Variants in WWOX observed in about 807,000 individuals in gnomAD.
WWOX encodes the protein WW domain containing oxidoreductase.
In WWOX, 69 loss-of-function variants were observed where a neutral mutation model predicts 46.2. The observed-to-expected ratio is 1.49, with a 90% CI of 1.23 to 1.82. The LOEUF (loss-of-function observed/expected upper bound fraction) is 1.82, where lower values mean the gene tolerates loss of function less well. Ranked by LOEUF, WWOX falls within the 40% of genes most tolerant of loss-of-function variation. WWOX has a pLI of 0.00. For missense variants in WWOX, 919 were observed against 542.6 expected, an observed-to-expected ratio of 1.69 and a Z score of -6.89; for synonymous variants, 359 against 202.6, an observed-to-expected ratio of 1.77 and a Z score of -6.56.
intron 6 of WWOX, among the ~76,000 whole-genome samples, chr16:78,423,439 G>C (rs1362661627): frequency 1.3e-5 from 2 of 152,134 alleles, no homozygotes; most frequent in Admixed American, 1.3e-4. Flanking sequence ...CACAAACACC[G>C]TGGATAGCCT....
intron 8 of WWOX, among the ~76,000 whole-genome samples, chr16:78,672,914 T>C (rs1283562542): frequency 6.6e-6 from 1 of 152,186 alleles, no homozygotes; most frequent in Admixed American, 6.6e-5. Flanking sequence ...TGCTGTGCCT[T>C]CCTCCTTCGT....
intron 8 of WWOX, among the ~76,000 whole-genome samples, chr16:78,485,812 C>T (rs2151454046): frequency 6.6e-6 from 1 of 152,302 alleles, no homozygotes; most frequent in South Asian, 2.1e-4. Context: ...AGCAAACCTA[C>T]TTTCCACCGC....
At chr16:78,352,623 G>A (rs9929326) in intron 5 of WWOX, among the ~76,000 whole-genome samples, 107,259 of 152,096 alleles carry the variant, frequency 0.71, 38,666 homozygotes, top group African/African-American at 0.76. Context: ...TAATCTGCCT[G>A]TTTGAAGGTC....
rs1433987564 is a variant in WWOX, at chr16:78,349,358, A to G, written c.517-37502A>G. 5.8e-5 allele frequency among the ~76,000 whole-genome samples: 7 copies of G among 121,250 alleles called. 2 individuals carry two copies. Among genetic ancestry groups the G allele is most frequent in the African/African-American group, 2.0e-4 (7 of 35,734 alleles). 79.5% of individuals were successfully genotyped at this position (121,250 alleles called of 152,430 possible). On this transcript the variant is annotated intron_variant, in intron 5 of 8. Coordinates refer to ENST00000566780, the MANE Select transcript of WWOX (RefSeq NM_016373.4). ...AGGTAGTACGGGTTAGGTCTTCAGC[A>G]TATGAATTTTGGGGAAACAGAATCC...
chr16:79,116,343 C>G (rs1289504626), intron 8 of WWOX, among the ~76,000 whole-genome samples: 1 of 152,204 alleles, frequency 6.6e-6, no homozygotes, highest in Non-Finnish European at 1.5e-5. Context: ...TTACTCACAG[C>G]AGAATTTATC....
chr16:78,964,676 C>A (rs113339362), intron 8 of WWOX, among the ~76,000 whole-genome samples: 1 of 152,124 alleles, frequency 6.6e-6, no homozygotes, highest in South Asian at 2.1e-4. Flanking sequence ...GGCAAGGAAC[C>A]TAATGTTAAT....
chr16:79,018,205 T>C (rs866213723), intron 8 of WWOX, among the ~76,000 whole-genome samples: 5 of 152,232 alleles, frequency 3.3e-5, no homozygotes, highest in African/African-American at 1.2e-4. Flanking sequence ...CCCTAGTTAT[T>C]TTGCCTTTAC....
intron 4 of WWOX, among the ~76,000 whole-genome samples, chr16:78,153,277 C>G (rs1333776828): frequency 6.6e-6 from 1 of 152,090 alleles, no homozygotes; most frequent in Non-Finnish European, 1.5e-5. Flanking sequence ...TCTGGAAATG[C>G]CTGTGGGGGA....
chr16:78,355,576 T>TC (rs1157930407), intron 5 of WWOX: 4 of 477,128 alleles, frequency 8.4e-6, no homozygotes, highest in Admixed American at 7.5e-5. Context: ...CTGTGGAGGA[T>TC]CCCCTGGATC....
At chr16:78,957,738 T>C (rs770869013) in intron 8 of WWOX, among the ~76,000 whole-genome samples, 21 of 152,242 alleles carry the variant, frequency 1.4e-4, no homozygotes, top group Admixed American at 5.9e-4. Context: ...AACTTTTCTT[T>C]GGCAAACACC....
chr16:78,833,769 C>T (rs577617956), intron 8 of WWOX, among the ~76,000 whole-genome samples: 2 of 152,220 alleles, frequency 1.3e-5, no homozygotes, highest in Admixed American at 6.5e-5. Flanking sequence ...GATGAGGAAA[C>T]TGAGGCATAA....
Position 78,292,063 on chromosome 16 carries a change from C to CT in WWOX, c.517-94779dup, listed in dbSNP as rs5818123. 6.0e-3 allele frequency among the ~76,000 whole-genome samples: 815 copies of CT among 136,934 alleles called. 4 individuals carry two copies. The highest frequency in any genetic ancestry group is 0.021 in the South Asian group (92 of 4,292). 89.8% of individuals were successfully genotyped at this position (136,934 alleles called of 152,430 possible). On this transcript the variant is annotated intron_variant, in intron 5 of 8. Coordinates refer to ENST00000566780, the MANE Select transcript of WWOX (RefSeq NM_016373.4). Reference sequence around the variant, plus strand: ...CTTATGAGATGAGGATGATTTTTACCTTTTTTTTTTTTTTTTTTCCCTTGA... The same window carrying CT: ...CTTATGAGATGAGGATGATTTTTACCTTTTTTTTTTTTTTTTTTTCCCTTGA...
At position 78,700,055 on chromosome 16, in the gene WWOX, A is replaced by T. The variant is rs138564817; in HGVS notation, c.1056+267303A>T. Among the ~76,000 whole-genome samples the T allele has an allele frequency of 3.4e-3, 512 of 152,018 alleles. 3 individuals are homozygous for T. The highest frequency in any genetic ancestry group is 0.012 in the African/African-American group (492 of 41,462). On this transcript the variant is annotated intron_variant, in intron 8 of 8. Coordinates refer to ENST00000566780, the MANE Select transcript of WWOX (RefSeq NM_016373.4). Reference sequence around the variant, plus strand: ...CAACATAGAAATGTCCTGGCTCTTGATGCTGGCTACACCCTCAGTAAGAGA... The same window carrying T: ...CAACATAGAAATGTCCTGGCTCTTGTTGCTGGCTACACCCTCAGTAAGAGA...
intron 6 of WWOX, among the ~76,000 whole-genome samples, chr16:78,388,421 G>A (rs1277059557): frequency 6.6e-6 from 1 of 151,602 alleles, no homozygotes; most frequent in East Asian, 2.0e-4. Flanking sequence ...CCAAGGCGGG[G>A]AGGGTCATGA....
Position 78,577,292 on chromosome 16 carries a change from G to C in WWOX, c.1056+144540G>C, listed in dbSNP as rs1351264271. ...GAACAGACTTTCTGTCCAGTTTGTT[G>C]TATTTGGTGGTGGTGCAGGGCAAAT... On this transcript the variant is annotated intron_variant, in intron 8 of 8. Transcript: ENST00000566780. Among the ~76,000 whole-genome samples, 3 of 152,178 alleles carry C rather than the reference G, an allele frequency of 2.0e-5. No homozygotes were observed. In the East Asian group the frequency reaches 5.8e-4, roughly 29 times the overall value.
intron 1 of WWOX, chr16:78,100,096 C>A: frequency 7.3e-7 from 1 of 1,378,402 alleles, no homozygotes; most frequent in Non-Finnish European, 9.4e-7. Flanking sequence ...CACCTGGTGG[C>A]TTCCCGGCGC....
At position 78,676,588 on chromosome 16, in the gene WWOX, ACTCTG is replaced by A. The variant is rs1395701742; in HGVS notation, c.1056+243840_1056+243844del. On this transcript the variant is annotated intron_variant, in intron 8 of 8. Coordinates refer to ENST00000566780, the MANE Select transcript of WWOX (RefSeq NM_016373.4). Reference sequence around the variant, plus strand: ...TTTTCATCAGGATGAAATATCGGGCACTCTGCTCAGTGCAAGGTTTTATTAATGAT... The same window carrying A: ...TTTTCATCAGGATGAAATATCGGGCACTCAGTGCAAGGTTTTATTAATGAT... Among the ~76,000 whole-genome samples, 10 of 152,058 alleles carry A rather than the reference ACTCTG, an allele frequency of 6.6e-5. No individual in the cohort carries two copies. The East Asian group carries it at 1.9e-3, about 29-fold the overall frequency.
intron 8 of WWOX, among the ~76,000 whole-genome samples, chr16:78,776,393 C>T (rs1244957709): frequency 6.6e-6 from 1 of 151,950 alleles, no homozygotes; most frequent in South Asian, 2.1e-4. Context: ...TACTGTGTGA[C>T]CTGGGTCAAC....
At chr16:78,963,111 A>G (rs1051010231) in intron 8 of WWOX, among the ~76,000 whole-genome samples, 31 of 152,164 alleles carry the variant, frequency 2.0e-4, no homozygotes, top group African/African-American at 6.5e-4. Context: ...ATTTCCCTCT[A>G]TTTGCATCTC....
Sources: gnomAD v4.1 joint callset for allele counts (sites outside exome capture counted in the v4.1 genomes callset) on GRCh38, gnomAD v4.1.1 for gene constraint, MANE v1.5 for transcripts, NCBI Gene and HGNC (gene_info 2026-07-23, HGNC 2026-07-21) for gene names.